RBFOX1: variants seen among roughly 807,000 people sequenced by gnomAD.
The protein encoded by RBFOX1 is RNA binding protein fox-1 homolog 1.
Under a neutral mutation model 57.7 loss-of-function variants are expected in RBFOX1, and 8 were observed. That is an observed-to-expected ratio of 0.14 (90% confidence interval 0.08 to 0.25). The LOEUF is 0.25. Ranked by LOEUF, RBFOX1 falls within the 10% of genes least tolerant of loss-of-function variation. The probability of loss-of-function intolerance (pLI) is 1.00; values close to 1 mark genes in which losing one functional copy is unlikely to be tolerated. For missense variants in RBFOX1, 611 were observed against 548.5 expected (o/e 1.11, Z -1.14); for synonymous variants, 326 against 222.4 (o/e 1.47, Z -4.15).
At chr16:7,053,753 A>G (rs1304386324) in intron 4 of RBFOX1, among the ~76,000 whole-genome samples, 1 of 152,180 alleles carries the variant, frequency 6.6e-6, no homozygotes, top group Non-Finnish European at 1.5e-5. Context: ...GTGGCTTGAT[A>G]TTAACATAAT....
At chr16:5,938,538 C>T (rs13331503) in intron 4 of RBFOX1, among the ~76,000 whole-genome samples, 1,538 of 152,324 alleles carry the variant, frequency 0.01, 34 homozygotes, top group African/African-American at 0.036. Context: ...ACCAGGGAAA[C>T]TCTACAACCT....
At position 6,770,488 on chromosome 16, in the gene RBFOX1, C is replaced by T. The variant is rs1251998207; in HGVS notation, c.-16+115838C>T. On this transcript the variant is annotated intron_variant, in intron 3 of 15. Coordinates refer to ENST00000550418, the MANE Select transcript of RBFOX1 (RefSeq NM_018723.4). ...GCAGCTTTTGGGTACCACGGCAGAGCTCAATATTAGGATAGCCCTGCAAGT... is the reference window on the plus strand; with the variant it reads ...GCAGCTTTTGGGTACCACGGCAGAGTTCAATATTAGGATAGCCCTGCAAGT... Among the ~76,000 whole-genome samples, 3 of 152,302 alleles carry T rather than the reference C, an allele frequency of 2.0e-5. No homozygotes were observed. The East Asian group carries it at 5.8e-4, about 29-fold the overall frequency.
At chr16:7,116,873 A>C (rs991404933) in intron 4 of RBFOX1, among the ~76,000 whole-genome samples, 4 of 152,290 alleles carry the variant, frequency 2.6e-5, no homozygotes, top group African/African-American at 4.8e-5. Flanking sequence ...GGGAGTCATC[A>C]ACACAAGATT....
chr16:7,153,607 G>C lies in RBFOX1; in HGVS notation c.27+101509G>C, dbSNP rs368814859. ...AAATTAGCCAGGCATGGTGATGGTG[G>C]TGGGGGGAGGGGGGCGCCTATAATT... On this transcript the variant is annotated intron_variant, in intron 4 of 15. Transcript: ENST00000550418. Among the ~76,000 whole-genome samples the C allele has an allele frequency of 1.1e-3, 163 of 151,862 alleles. 1 individual carries two copies. The highest frequency in any genetic ancestry group is 3.6e-3 in the African/African-American group (150 of 41,452).
chr16:5,521,039 G>C (rs1191899870), intron 2 of RBFOX1, among the ~76,000 whole-genome samples: 1 of 152,178 alleles, frequency 6.6e-6, no homozygotes, highest in Non-Finnish European at 1.5e-5. Context: ...GGTTAATAGA[G>C]ATTAATGGAC....
chr16:5,458,046 A>C (rs1387885716), intron 1 of RBFOX1, among the ~76,000 whole-genome samples: 1 of 152,346 alleles, frequency 6.6e-6, no homozygotes, highest in African/African-American at 2.4e-5. Context: ...CTGGGCAGAA[A>C]AAAATGCTTT....
At chr16:5,745,417 C>G (rs578090453) in intron 3 of RBFOX1, among the ~76,000 whole-genome samples, 1 of 152,288 alleles carries the variant, frequency 6.6e-6, no homozygotes, top group East Asian at 1.9e-4. Flanking sequence ...GTGCATGTGT[C>G]TTTATAGCAG....
At chr16:7,198,863 C>T (rs2087501515) in intron 4 of RBFOX1, among the ~76,000 whole-genome samples, 1 of 152,208 alleles carries the variant, frequency 6.6e-6, no homozygotes. Flanking sequence ...AGCACACTAT[C>T]AGAGGCAAAA....
chr16:5,783,367 G>A (rs546032000), intron 3 of RBFOX1, among the ~76,000 whole-genome samples: 18 of 151,976 alleles, frequency 1.2e-4, no homozygotes, highest in Non-Finnish European at 2.5e-4. Context: ...TTTGATTTCT[G>A]TTTCTACAGA....
chr16:6,803,917 G>A (rs992341252), intron 3 of RBFOX1, among the ~76,000 whole-genome samples: 10 of 152,066 alleles, frequency 6.6e-5, no homozygotes, highest in African/African-American at 2.4e-4. Flanking sequence ...TACCATTGTT[G>A]TAGATCTGGC....
At chr16:6,582,793 C>T (rs2097555053) in intron 2 of RBFOX1, among the ~76,000 whole-genome samples, 1 of 150,900 alleles carries the variant, frequency 6.6e-6, no homozygotes, top group African/African-American at 2.4e-5. Context: ...CTTCCCTCCC[C>T]TTTCCTAGCT....
intron 2 of RBFOX1, among the ~76,000 whole-genome samples, chr16:6,572,528 C>T (rs569330997): frequency 1.3e-5 from 2 of 152,182 alleles, no homozygotes; most frequent in South Asian, 4.1e-4. Context: ...TGAACCGTAG[C>T]ATAGCCAGGC....
chr16:5,547,884 G>A (rs1461140794), intron 2 of RBFOX1, among the ~76,000 whole-genome samples: 2 of 152,064 alleles, frequency 1.3e-5, no homozygotes, highest in Admixed American at 6.6e-5. Context: ...CATAGGCCAG[G>A]CACGGTGGCT....
chr16:5,365,397 G>A (rs572035447), intron 1 of RBFOX1, among the ~76,000 whole-genome samples: 4 of 152,330 alleles, frequency 2.6e-5, no homozygotes, highest in Admixed American at 2.6e-4. Flanking sequence ...GCTAGGCACA[G>A]TGTCTCACAC....
intron 3 of RBFOX1, among the ~76,000 whole-genome samples, chr16:6,943,424 G>A (rs1490371645): frequency 1.3e-5 from 2 of 152,174 alleles, no homozygotes; most frequent in South Asian, 2.1e-4. Context: ...GTATGGGCCT[G>A]TGGGCCGGGC....
intron 1 of RBFOX1, among the ~76,000 whole-genome samples, chr16:5,342,637 C>T (rs1009849515): frequency 6.6e-6 from 1 of 152,160 alleles, no homozygotes; most frequent in Non-Finnish European, 1.5e-5. Context: ...GAGAACAGTT[C>T]TTCCTTCTGT....
intron 3 of RBFOX1, among the ~76,000 whole-genome samples, chr16:6,734,814 C>G (rs2069670304): frequency 2.0e-5 from 3 of 152,108 alleles, no homozygotes; most frequent in Non-Finnish European, 4.4e-5. Context: ...TTTACGAAAT[C>G]TAGATGCATA....
At chr16:7,179,373 T>C (rs957682130) in intron 4 of RBFOX1, among the ~76,000 whole-genome samples, 4 of 152,094 alleles carry the variant, frequency 2.6e-5, no homozygotes, top group Admixed American at 1.3e-4. Flanking sequence ...ATTCTAAAAA[T>C]CCCTTTGGGG....
upstream of RBFOX1, among the ~76,000 whole-genome samples, chr16:6,017,805 G>A (rs1451532898): frequency 6.6e-6 from 1 of 152,202 alleles, no homozygotes; most frequent in African/African-American, 2.4e-5. Flanking sequence ...ATGGGCGCTA[G>A]GAAATACACG....
Sources: allele counts gnomAD v4.1 joint callset (sites outside exome capture counted in the v4.1 genomes callset), GRCh38; gene constraint gnomAD v4.1.1; transcripts MANE v1.5; gene names NCBI Gene and HGNC (gene_info 2026-07-23, HGNC 2026-07-21).